Variants in SYT16 observed in about 807,000 individuals in gnomAD.
SYT16 encodes the protein synaptotagmin 16.
SYT16 carries 42 observed loss-of-function variants against 61.4 expected under a neutral mutation model. The ratio of observed to expected loss-of-function variants is 0.68; its 90% confidence interval spans 0.53 to 0.89. The LOEUF is 0.89. Among genes scored for constraint, SYT16 ranks in the 40% least tolerant of loss-of-function variants. The probability of loss-of-function intolerance (pLI) is 0.00; values close to 1 mark genes in which losing one functional copy is unlikely to be tolerated. For synonymous variants in SYT16, 314 were observed against 302.3 expected, an observed-to-expected ratio of 1.04 and a Z score of -0.40; for missense variants, 804 against 807.3, an observed-to-expected ratio of 1.00 and a Z score of 0.05.
At chr14:61,948,514 G>C (rs111717533) in intron 1 of SYT16, among the ~76,000 whole-genome samples, 1 of 152,186 alleles carries the variant, frequency 6.6e-6, no homozygotes, top group Non-Finnish European at 1.5e-5. Flanking sequence ...TCTGATTGAA[G>C]CACTCCGCTA....
chr14:61,921,447 G>A (rs1051899706), intron 1 of SYT16, among the ~76,000 whole-genome samples: 1 of 152,192 alleles, frequency 6.6e-6, no homozygotes. Flanking sequence ...CCCAGTCTCA[G>A]TCTCTGTAGC....
chr14:62,081,912 A>T (rs997991154), intron 6 of SYT16, among the ~76,000 whole-genome samples: 1 of 152,192 alleles, frequency 6.6e-6, no homozygotes, highest in African/African-American at 2.4e-5. Flanking sequence ...TCAATCAGTC[A>T]TTCATTCAGA....
chr14:61,972,470 G>T (rs1427561019), intron 2 of SYT16, among the ~76,000 whole-genome samples: 1 of 152,136 alleles, frequency 6.6e-6, no homozygotes, highest in Non-Finnish European at 1.5e-5. Context: ...AAAAATACAT[G>T]TCTCAAATTC....
intron 4 of SYT16, among the ~76,000 whole-genome samples, chr14:62,074,238 G>A (rs915502865): frequency 1.3e-5 from 2 of 152,142 alleles, no homozygotes; most frequent in East Asian, 3.9e-4. Context: ...GGAGGTGAGG[G>A]GTGCTGAGAG....
chr14:62,044,651 A>G (rs1248350247), intron 3 of SYT16, among the ~76,000 whole-genome samples: 1 of 152,156 alleles, frequency 6.6e-6, no homozygotes, highest in Admixed American at 6.5e-5. Context: ...TTATGGCTGC[A>G]TGATATTCCA....
At chr14:61,959,463 G>A (rs995822092) in intron 1 of SYT16, among the ~76,000 whole-genome samples, 26 of 151,908 alleles carry the variant, frequency 1.7e-4, no homozygotes, top group Admixed American at 5.9e-4. Flanking sequence ...ACAGTTTATA[G>A]TTATAGCAGT....
intron 1 of SYT16, among the ~76,000 whole-genome samples, chr14:61,914,770 C>T (rs2049056487): frequency 6.6e-6 from 1 of 152,180 alleles, no homozygotes; most frequent in East Asian, 1.9e-4. Context: ...TCTTGAGCTC[C>T]TGAGGGAGGC....
chr14:62,000,959 G>A (rs952980209), intron 3 of SYT16, among the ~76,000 whole-genome samples: 1 of 152,054 alleles, frequency 6.6e-6, no homozygotes, highest in Admixed American at 6.6e-5. Context: ...GACAAAAAAA[G>A]GCTGAGGTGG....
intron 1 of SYT16, among the ~76,000 whole-genome samples, chr14:61,842,694 C>G (rs1008286082): frequency 6.6e-6 from 1 of 150,920 alleles, no homozygotes; most frequent in African/African-American, 2.4e-5. Context: ...CAAACACCGC[C>G]TGTTCTCACT....
chr14:61,972,531 C>A (rs1279205066), intron 2 of SYT16, among the ~76,000 whole-genome samples: 1 of 152,156 alleles, frequency 6.6e-6, no homozygotes, highest in East Asian at 1.9e-4. Flanking sequence ...TCAGGAGCAT[C>A]CCCAAATTAT....
intron 2 of SYT16, among the ~76,000 whole-genome samples, chr14:61,984,087 T>G (rs923091431): frequency 1.3e-5 from 2 of 152,072 alleles, no homozygotes; most frequent in African/African-American, 2.4e-5. Flanking sequence ...TGGTGAAGCT[T>G]TCAATATTTT....
Position 62,101,300 on chromosome 14 carries a change from TTTATC to T in SYT16, c.*598_*602del, listed in dbSNP as rs1430906086. ...AAATTTGTATTAATTAAATACCTCTTTTATCTTATATTTTGTGGTTTCTATGAGAT... is the reference window on the plus strand; with the variant it reads ...AAATTTGTATTAATTAAATACCTCTTTTATATTTTGTGGTTTCTATGAGAT... On this transcript the variant is annotated 3_prime_UTR_variant, in exon 8 of 8. Coordinates refer to ENST00000683842, the MANE Select transcript of SYT16 (RefSeq NM_001367656.1). 3.9e-5 allele frequency: 6 copies of T among 152,346 alleles called. No homozygotes were observed. The highest frequency in any genetic ancestry group is 4.1e-4 in the South Asian group (2 of 4,830). 9.4% of individuals were successfully genotyped at this position (152,346 alleles called of 1,614,324 possible).
chr14:61,817,483 C>T (rs1000138335), intron 1 of SYT16, among the ~76,000 whole-genome samples: 5 of 151,434 alleles, frequency 3.3e-5, no homozygotes, highest in Admixed American at 6.6e-5. Context: ...TAGGAAGCAC[C>T]GGGAAGGACA....
intron 1 of SYT16, among the ~76,000 whole-genome samples, chr14:61,848,662 C>A (rs996891898): frequency 6.6e-6 from 1 of 152,270 alleles, no homozygotes; most frequent in Non-Finnish European, 1.5e-5. Context: ...CTCTTCAGTG[C>A]GCTGAGTTTC....
At chr14:62,056,176 C>T (rs78285304) in intron 3 of SYT16, among the ~76,000 whole-genome samples, 5,892 of 151,910 alleles carry the variant, frequency 0.039, 373 homozygotes, top group African/African-American at 0.14. Context: ...AACATCACGA[C>T]GTTTGATTAT....
At chr14:62,002,256 A>C (rs1016730399) in intron 3 of SYT16, among the ~76,000 whole-genome samples, 1 of 152,082 alleles carries the variant, frequency 6.6e-6, no homozygotes, top group African/African-American at 2.4e-5. Flanking sequence ...TTTAGTCAGC[A>C]TTTGAGTTGG....
chr14:61,876,606 A>G (rs1372551260), intron 1 of SYT16, among the ~76,000 whole-genome samples: 2 of 152,226 alleles, frequency 1.3e-5, no homozygotes, highest in African/African-American at 4.8e-5. Context: ...CATTTGTTTG[A>G]TAATTGCTGG....
intron 1 of SYT16, among the ~76,000 whole-genome samples, chr14:61,892,302 T>G (rs922297261): frequency 1.3e-5 from 2 of 152,044 alleles, no homozygotes; most frequent in Non-Finnish European, 2.9e-5. Flanking sequence ...TCTCTCTCCC[T>G]CCACCTCTAG....
At chr14:61,913,273 A>G (rs1050234765) in intron 1 of SYT16, among the ~76,000 whole-genome samples, 1 of 152,210 alleles carries the variant, frequency 6.6e-6, no homozygotes, top group African/African-American at 2.4e-5. Flanking sequence ...AGAACATAGC[A>G]TATGCTGCAC....
Sources: gnomAD v4.1 joint callset for allele counts (sites outside exome capture counted in the v4.1 genomes callset) on GRCh38, gnomAD v4.1.1 for gene constraint, MANE v1.5 for transcripts, NCBI Gene and HGNC (gene_info 2026-07-23, HGNC 2026-07-21) for gene names.